PCYT2: variants seen among roughly 807,000 people sequenced by gnomAD.
PCYT2 encodes the protein phosphate cytidylyltransferase 2, ethanolamine, also known as ethanolamine-phosphate cytidylyltransferase.
A neutral mutation model predicts 50.0 loss-of-function variants in PCYT2; 33 were observed. The observed-to-expected ratio is 0.66, with a 90% CI of 0.50 to 0.88. PCYT2 has a LOEUF of 0.88. Among genes scored for constraint, PCYT2 ranks in the 40% least tolerant of loss-of-function variants. The pLI is 0.00. For missense variants in PCYT2, 430 were observed against 519.7 expected, an observed-to-expected ratio of 0.83 and a Z score of 1.68; for synonymous variants, 240 against 203.7, an observed-to-expected ratio of 1.18 and a Z score of -1.52.
intron 7 of PCYT2, 84 bp downstream of exon 7, chr17:81,906,676 T>C: frequency 1.9e-6 from 3 of 1,590,634 alleles, no homozygotes; most frequent in Non-Finnish European, 2.6e-6. Context: ...CAGCCCAGTC[T>C]GGGGGCCCCA....
In PCYT2 at chr17:81,905,610, C is replaced by T. The variant is rs543353970; in HGVS notation, c.903+60G>A. Reference sequence around the variant, plus strand: ...GGAGCCCACAGCCAGCCTGCATTCCCAGCCCATGCAGGAACAGAGGTGAAC... The same window carrying T: ...GGAGCCCACAGCCAGCCTGCATTCCTAGCCCATGCAGGAACAGAGGTGAAC... On this transcript the variant is annotated intron_variant, in intron 10 of 12. Coordinates refer to ENST00000538936, the MANE Select transcript of PCYT2 (RefSeq NM_002861.5). 36 of 1,557,154 alleles carry T rather than the reference C, an allele frequency of 2.3e-5. No homozygotes were observed. In the East Asian group the frequency reaches 3.1e-4, roughly 14 times the overall value.
rs1265543664 is a variant in PCYT2 at position 81,902,149 on chromosome 17, CCCCAGCCCGCCCGCCGCCCCT to C, written c.*2663_*2683del. ...GGCTCCTCCGCGCGCGCCCGCTGCA[CCCCAGCCCGCCCGCCGCCCCT>C]CCCGGCCCTCCGCAGCCTCGGCCCG... is the stretch of plus-strand genomic sequence containing the variant. On this transcript the variant is annotated 3_prime_UTR_variant, in exon 13 of 13. Transcript: ENST00000538936. The C allele has an allele frequency of 2.2e-6, 2 of 911,514 alleles. No homozygotes were observed. The highest frequency in any genetic ancestry group is 2.8e-6 in the Non-Finnish European group (2 of 711,862). 56.5% of individuals were successfully genotyped at this position (911,514 alleles called of 1,614,324 possible). A position where few individuals can be genotyped will look rare whatever the true frequency, so the allele number is the denominator to read the frequency against.
Position 81,904,667 on chromosome 17 carries a change from A to C in PCYT2, c.*166T>G, listed in dbSNP as rs2040139018. On this transcript the variant is annotated 3_prime_UTR_variant, in exon 13 of 13. Transcript: ENST00000538936. ...AGCAGCTTTGCTGGAAAGAGCGGAG[A>C]GCCTGCTGCAAACCAGGCACCTTGT... 5.1e-6 allele frequency: 3 copies of C among 592,448 alleles called. No homozygotes were observed. The highest frequency in any genetic ancestry group is 9.0e-6 in the Non-Finnish European group (3 of 334,066). 36.7% of individuals were successfully genotyped at this position (592,448 alleles called of 1,614,324 possible). A position where few individuals can be genotyped will look rare whatever the true frequency, so the allele number is the denominator to read the frequency against.
chr17:81,903,024 C>G lies in PCYT2; in HGVS notation c.*1809G>C, dbSNP rs145634744. 251 of 455,750 alleles carry G rather than the reference C, an allele frequency of 5.5e-4. No homozygotes were observed. Among genetic ancestry groups the G allele is most frequent in the African/African-American group, 4.6e-3 (225 of 48,756 alleles). 28.2% of individuals were successfully genotyped at this position (455,750 alleles called of 1,614,324 possible). A position where few individuals can be genotyped will look rare whatever the true frequency, so the allele number is the denominator to read the frequency against. On this transcript the variant is annotated 3_prime_UTR_variant, in exon 13 of 13. Coordinates refer to ENST00000538936, the MANE Select transcript of PCYT2 (RefSeq NM_002861.5). ...GCGGCAGGGCAAGGTTGGCCTGGGC[C>G]GCCCAGAGGTCTTCAGACCCAGGGG...
chr17:81,911,124 C>T (rs2040579100), intron 1 of PCYT2, 143 bp downstream of exon 1: 4 of 1,002,292 alleles, frequency 4.0e-6, no homozygotes, highest in African/African-American at 1.7e-5. Flanking sequence ...GGCAGGCGAG[C>T]CCCGCAGCCT....
Position 81,904,929 on chromosome 17 carries a change from C to G in PCYT2, c.1074G>C (p.Ala358=), listed in dbSNP as rs200834115. 6.2e-7 allele frequency: 1 copy of G among 1,612,696 alleles called. No individual in the cohort carries two copies. The highest frequency in any genetic ancestry group is 8.5e-7 in the Non-Finnish European group (1 of 1,179,748). ...RIITNRLEYE[A]RNQKKEAKEL... is the part of the protein sequence containing the mutation. The stretch of plus-strand genomic sequence containing the variant: ...CCTTGGCTTCCTTCTTCTGGTTTCG[C>G]GCCTCATACTCCAACCTGAGAGGGC... The change falls in exon 13 of 13, where the codon GCG becomes GCC. Residue 358 remains alanine (A), a synonymous_variant. Coordinates refer to ENST00000538936, the MANE Select transcript of PCYT2 (RefSeq NM_002861.5).
chr17:81,901,604 G>C lies in PCYT2; in HGVS notation c.*3229C>G, dbSNP rs930576214. On this transcript the variant is annotated 3_prime_UTR_variant, in exon 13 of 13. Coordinates refer to ENST00000538936, the MANE Select transcript of PCYT2 (RefSeq NM_002861.5). The stretch of plus-strand genomic sequence containing the variant: ...GTGAGCTTGAAGGCTGATGTCACCT[G>C]CCAGGAGAGCGGCTGGCAGTCCTGC... The C allele has an allele frequency of 6.6e-6, 1 of 152,358 alleles. No individual in the cohort carries two copies. Among genetic ancestry groups the C allele is most frequent in the African/African-American group, 2.4e-5 (1 of 41,454 alleles). The allele number at this position is 152,358 out of a possible 1,614,324, so 9.4% of individuals were successfully genotyped here.
chr17:81,902,842 T>C lies in PCYT2; in HGVS notation c.*1991A>G. On this transcript the variant is annotated 3_prime_UTR_variant, in exon 13 of 13. Transcript: ENST00000538936. ...CTCCGGCGCGGGATGGCGCCCCAGG[T>C]CTCCCCTACTCCGCTCACCCCGCAG... 1 of 1,102,014 alleles carries C rather than the reference T, an allele frequency of 9.1e-7. No individual in the cohort carries two copies. Among genetic ancestry groups the C allele is most frequent in the South Asian group, 1.6e-5 (1 of 61,388 alleles). 68.3% of individuals were successfully genotyped at this position (1,102,014 alleles called of 1,614,324 possible).
chr17:81,907,076 A>G, intron 6 of PCYT2, 178 bp from the exon 7 acceptor site: 3 of 1,046,328 alleles, frequency 2.9e-6, no homozygotes, highest in East Asian at 5.2e-5. Flanking sequence ...CCCCACAACC[A>G]CAGCAGGCAC....
rs753669319 is a variant in PCYT2, at chr17:81,907,890, T to C, written c.408-33A>G. The stretch of plus-strand genomic sequence containing the variant: ...ACACAGTGGGAGTGGGGTCTCATCC[T>C]GGGACACTCGCAAGGCTCTGCCTCC... On this transcript the variant is annotated intron_variant, in intron 4 of 12. Transcript: ENST00000538936. The C allele has an allele frequency of 2.6e-6, 4 of 1,555,970 alleles. No individual in the cohort carries two copies. In the African/African-American group the frequency reaches 5.4e-5, roughly 21 times the overall value.
rs548733540 is a variant in PCYT2 at position 81,902,843 on chromosome 17, C to T, written c.*1990G>A. 9.1e-7 allele frequency: 1 copy of T among 1,092,916 alleles called. No individual in the cohort carries two copies. Among genetic ancestry groups the T allele is most frequent in the African/African-American group, 1.6e-5 (1 of 61,144 alleles). The allele number at this position is 1,092,916 out of a possible 1,614,324, so 67.7% of individuals were successfully genotyped here. The stretch of plus-strand genomic sequence containing the variant: ...TCCGGCGCGGGATGGCGCCCCAGGT[C>T]TCCCCTACTCCGCTCACCCCGCAGT... On this transcript the variant is annotated 3_prime_UTR_variant, in exon 13 of 13. Transcript: ENST00000538936.
chr17:81,905,861 G>A lies in PCYT2; in HGVS notation c.838-126C>T, dbSNP rs535262611. ...CCAGTGAGTAGCAGGGATGGGCTGG[G>A]CAGGCTGGGGACCCCTGGGGCTCCT... On this transcript the variant is annotated intron_variant, in intron 9 of 12. Transcript: ENST00000538936. 18 of 1,028,104 alleles carry A rather than the reference G, an allele frequency of 1.8e-5. No individual in the cohort carries two copies. In the African/African-American group the frequency reaches 2.7e-4, roughly 15 times the overall value. 63.7% of individuals were successfully genotyped at this position (1,028,104 alleles called of 1,614,324 possible).
chr17:81,902,143 G>C lies in PCYT2; in HGVS notation c.*2690C>G, dbSNP rs922931153. ...TGCGACGGCTCCTCCGCGCGCGCCCGCTGCACCCCAGCCCGCCCGCCGCCC... is the reference window on the plus strand; with the variant it reads ...TGCGACGGCTCCTCCGCGCGCGCCCCCTGCACCCCAGCCCGCCCGCCGCCC... On this transcript the variant is annotated 3_prime_UTR_variant, in exon 13 of 13. Coordinates refer to ENST00000538936, the MANE Select transcript of PCYT2 (RefSeq NM_002861.5). 2.4e-6 allele frequency: 2 copies of C among 846,604 alleles called. No homozygotes were observed. The highest frequency in any genetic ancestry group is 3.1e-6 in the Non-Finnish European group (2 of 653,558). The allele number at this position is 846,604 out of a possible 1,614,324, so 52.4% of individuals were successfully genotyped here. A position where few individuals can be genotyped will look rare whatever the true frequency, so the allele number is the denominator to read the frequency against.
At chr17:81,906,430 T>G in intron 8 of PCYT2, 34 bp downstream of exon 8, 1 of 1,591,944 alleles carries the variant, frequency 6.3e-7, no homozygotes, top group Non-Finnish European at 8.6e-7. Flanking sequence ...GCCCATCAGC[T>G]GCCCAGGGGC....
intron 1 of PCYT2, chr17:81,910,956 C>G: frequency 1.0e-6 from 1 of 989,780 alleles, no homozygotes; most frequent in Non-Finnish European, 1.2e-6. Context: ...GCCGGGCAAG[C>G]TGGTTGCTGG....
rs769626462 is a variant in PCYT2 at position 81,905,644 on chromosome 17, C to T, written c.903+26G>A. On this transcript the variant is annotated intron_variant, in intron 10 of 12. Transcript: ENST00000538936. The stretch of plus-strand genomic sequence containing the variant: ...CAGGAACAGAGGTGAACAGAGGGAA[C>T]GAGGTGAGCCCATGCGGAGCCTCAC... 6.0e-5 allele frequency: 97 copies of T among 1,606,548 alleles called. 1 individual carries two copies. The South Asian group carries it at 9.0e-4, about 15-fold the overall frequency.
At chr17:81,905,279 C>G in intron 11 of PCYT2, 103 bp downstream of exon 11, 1 of 1,327,780 alleles carries the variant, frequency 7.5e-7, no homozygotes. Context: ...GTCGGAGCAG[C>G]TGCGCCACCA....
chr17:81,909,053 C>T lies in PCYT2; in HGVS notation c.179-16G>A, dbSNP rs146989330. On this transcript the variant is annotated splice_polypyrimidine_tract_variant and intron_variant, in intron 2 of 12. Coordinates refer to ENST00000538936, the MANE Select transcript of PCYT2 (RefSeq NM_002861.5). ...GCGATCTCCTCTAGGAAAAGGACAA[C>T]GGGGAGACTGGGGACCCCAGCCCAC... 4.7e-5 allele frequency: 76 copies of T among 1,607,526 alleles called. No homozygotes were observed. The highest frequency in any genetic ancestry group is 3.6e-4 in the East Asian group (16 of 44,790).
chr17:81,905,509 C>T, intron 10 of PCYT2, 62 bp from the exon 11 acceptor site: 2 of 1,497,316 alleles, frequency 1.3e-6, no homozygotes, highest in Non-Finnish European at 1.8e-6. Flanking sequence ...CCACCCACAG[C>T]CCAGCACAGG....
Sources: allele counts gnomAD v4.1 joint callset, GRCh38; gene constraint gnomAD v4.1.1; transcripts MANE v1.5; gene names NCBI Gene and HGNC (gene_info 2026-07-23, HGNC 2026-07-21).